Variants in BBX observed in about 807,000 individuals in gnomAD.
BBX encodes the protein BBX high mobility group box domain containing.
In BBX, 30 loss-of-function variants were observed where a neutral mutation model predicts 100.2. The observed-to-expected ratio is 0.30, with a 90% confidence interval of 0.22 to 0.41. The LOEUF (loss-of-function observed/expected upper bound fraction) is 0.41, where lower values mean the gene tolerates loss of function less well. BBX is among the 10% of genes least tolerant of loss of function. The pLI is 1.00. For synonymous variants in BBX, 376 were observed against 388.1 expected (o/e 0.97, Z 0.37); for missense variants, 1,023 against 1,129.8 (o/e 0.91, Z 1.35).
chr3:107,707,030 T>TA (rs1406506570), intron 3 of BBX, among the ~76,000 whole-genome samples: 5 of 152,232 alleles, frequency 3.3e-5, no homozygotes, highest in Non-Finnish European at 7.3e-5. Context: ...AACTATAAAT[T>TA]ATTAAAGTGC....
In BBX at chr3:107,808,206, A is replaced by G. The variant is rs538839961; in HGVS notation, c.*2749A>G. 9 of 152,314 alleles carry G rather than the reference A, an allele frequency of 5.9e-5. No homozygotes were observed. The highest frequency in any genetic ancestry group is 2.2e-4 in the African/African-American group (9 of 41,582). The allele number at this position is 152,314 out of a possible 1,614,324, so 9.4% of individuals were successfully genotyped here. A position where few individuals can be genotyped will look rare whatever the true frequency, so the allele number is the denominator to read the frequency against. On this transcript the variant is annotated 3_prime_UTR_variant, in exon 18 of 18. Transcript: ENST00000325805. ...TCTGCCAGCAGATACCATCTACACT[A>G]ACATTTGTCCCACAGCATCCTCAAG...
intron 3 of BBX, among the ~76,000 whole-genome samples, chr3:107,707,987 C>G (rs772357899): frequency 7.2e-5 from 11 of 152,170 alleles, no homozygotes; most frequent in Non-Finnish European, 4.4e-5. Context: ...CCACTGATTT[C>G]TTTTACTGTT....
chr3:107,720,053 A>G (rs887834291), intron 5 of BBX, among the ~76,000 whole-genome samples: 3 of 152,016 alleles, frequency 2.0e-5, no homozygotes, highest in African/African-American at 7.2e-5. Flanking sequence ...GAATGTGTGC[A>G]TTTATTGATT....
chr3:107,749,617 T>C (rs956061327), intron 9 of BBX, among the ~76,000 whole-genome samples: 12 of 152,130 alleles, frequency 7.9e-5, no homozygotes, highest in African/African-American at 2.6e-4. Flanking sequence ...GCTCAGCATA[T>C]GATTCAGTGT....
At chr3:107,614,109 G>A (rs569689905) in intron 2 of BBX, among the ~76,000 whole-genome samples, 7 of 151,844 alleles carry the variant, frequency 4.6e-5, no homozygotes, top group African/African-American at 1.7e-4. Flanking sequence ...ACACCACCAC[G>A]ACCAGCTAAT....
chr3:107,709,271 A>G (rs140044545), intron 3 of BBX, among the ~76,000 whole-genome samples: 4 of 152,336 alleles, frequency 2.6e-5, no homozygotes, highest in African/African-American at 9.6e-5. Flanking sequence ...TGAAGTAAGG[A>G]AGACCTAGGC....
intron 10 of BBX, among the ~76,000 whole-genome samples, chr3:107,761,289 T>C (rs1400035386): frequency 6.6e-6 from 1 of 152,108 alleles, no homozygotes; most frequent in Non-Finnish European, 1.5e-5. Flanking sequence ...TGAGTCAGAA[T>C]TGGGAGAATG....
intron 3 of BBX, among the ~76,000 whole-genome samples, chr3:107,649,230 T>C (rs9810356): frequency 2.0e-5 from 3 of 152,118 alleles, no homozygotes; most frequent in Non-Finnish European, 4.4e-5. Flanking sequence ...TCTCATGACA[T>C]GGGGATTAGT....
chr3:107,532,143 A>G (rs1224984707), intron 2 of BBX, among the ~76,000 whole-genome samples: 1 of 152,038 alleles, frequency 6.6e-6, no homozygotes, highest in Non-Finnish European at 1.5e-5. Context: ...GCGGTGAGCC[A>G]TGATCGTGTC....
intron 2 of BBX, among the ~76,000 whole-genome samples, chr3:107,631,543 T>TAAA (rs372663965): frequency 2.0e-5 from 3 of 148,062 alleles, no homozygotes; most frequent in Non-Finnish European, 4.5e-5. Flanking sequence ...TAGAATTAGT[T>TAAA]AAAAAAAAAA....
intron 2 of BBX, among the ~76,000 whole-genome samples, chr3:107,634,097 A>G (rs957273780): frequency 2.0e-5 from 3 of 152,294 alleles, no homozygotes; most frequent in African/African-American, 7.2e-5. Flanking sequence ...TTGGACTTCT[A>G]TTCATTCCAC....
intron 2 of BBX, among the ~76,000 whole-genome samples, chr3:107,600,652 A>G (rs1237076196): frequency 6.6e-6 from 1 of 152,208 alleles, no homozygotes; most frequent in Admixed American, 6.5e-5. Context: ...CAAATTCTTG[A>G]GAGTGCGCCA....
chr3:107,660,492 G>A (rs946042834), intron 3 of BBX, among the ~76,000 whole-genome samples: 4 of 114,244 alleles, frequency 3.5e-5, no homozygotes, highest in Non-Finnish European at 5.1e-5. Flanking sequence ...CGTAAGTATT[G>A]TGCAAAAAGC....
chr3:107,630,663 G>A (rs1323129766), intron 2 of BBX, among the ~76,000 whole-genome samples: 1 of 152,208 alleles, frequency 6.6e-6, no homozygotes, highest in Admixed American at 6.5e-5. Context: ...CATGTTTTGA[G>A]TATAGAGATC....
At chr3:107,751,088 T>C (rs77221877) in intron 9 of BBX, among the ~76,000 whole-genome samples, 1 of 151,960 alleles carries the variant, frequency 6.6e-6, no homozygotes. Flanking sequence ...ATGTGTTTTT[T>C]AAAAAACACC....
At chr3:107,692,655 C>T (rs530308977) in intron 3 of BBX, among the ~76,000 whole-genome samples, 58 of 151,610 alleles carry the variant, frequency 3.8e-4, no homozygotes, top group African/African-American at 1.4e-3. Flanking sequence ...CCACAATAAA[C>T]ATACGTGTGC....
intron 2 of BBX, among the ~76,000 whole-genome samples, chr3:107,634,964 G>T (rs950713208): frequency 3.3e-5 from 5 of 152,152 alleles, no homozygotes; most frequent in African/African-American, 9.7e-5. Flanking sequence ...ATTATGTGAT[G>T]TTCATGTGTG....
At chr3:107,791,133 G>T (rs905077599) in intron 14 of BBX, 107 bp from the exon 15 acceptor site, 17 of 830,644 alleles carry the variant, frequency 2.0e-5, no homozygotes, top group South Asian at 7.5e-5. Context: ...AGCTTTATTT[G>T]TGTGATGTTT....
intron 3 of BBX, chr3:107,656,987 A>G (rs1361890201): frequency 1.3e-5 from 2 of 152,184 alleles, no homozygotes; most frequent in African/African-American, 4.8e-5. Context: ...ACGGTGGGAA[A>G]CTTTGGTGTG....
Sources: gnomAD v4.1 joint callset for allele counts (sites outside exome capture counted in the v4.1 genomes callset) on GRCh38, gnomAD v4.1.1 for gene constraint, MANE v1.5 for transcripts, NCBI Gene and HGNC (gene_info 2026-07-23, HGNC 2026-07-21) for gene names.